Variants in MYH7 observed in about 807,000 individuals in gnomAD.
MYH7 encodes the protein myosin-7.
In MYH7, 129 loss-of-function variants were observed where a neutral mutation model predicts 225.4. The observed-to-expected ratio is 0.57, with a 90% CI of 0.50 to 0.66. The LOEUF is 0.66. Ranked by LOEUF, MYH7 falls within the 30% of genes least tolerant of loss-of-function variation. MYH7 has a pLI of 0.00. For synonymous variants in MYH7, 971 were observed against 1,007.6 expected (o/e 0.96, Z 0.69); for missense variants, 1,649 against 2,517.0 (o/e 0.66, Z 7.38).
Position 23,427,586 on chromosome 14 carries a change from C to A in MYH7, c.1887G>T (p.Ala629=), listed in dbSNP as rs376572023. The change falls in exon 16 of 40, where the codon GCG becomes GCT. Residue 629 remains alanine, a splice_region_variant and synonymous_variant. Transcript: ENST00000355349. ...CCGGGAGCCTCAGTCCCTACTTACG[C>A]GCATCAGCCCCAGCATAGTTGGCAA... ...TLFANYAGAD[A]PIEKGKGKAK... is the part of the protein sequence containing the mutation. 5.6e-6 allele frequency: 9 copies of A among 1,613,930 alleles called. No individual in the cohort carries two copies. The South Asian group carries it at 8.8e-5, about 16-fold the overall frequency.
intron 39 of MYH7, among the ~76,000 whole-genome samples, chr14:23,413,254 C>T (rs917753017): frequency 5.9e-5 from 9 of 152,184 alleles, no homozygotes; most frequent in Admixed American, 5.2e-4. Flanking sequence ...GGTGGCACCC[C>T]TCCCTAAGGC....
intron 30 of MYH7, 135 bp from the exon 31 acceptor site, chr14:23,417,821 C>T (rs1167756957): frequency 7.9e-7 from 1 of 1,265,714 alleles, no homozygotes; most frequent in Non-Finnish European, 1.1e-6. Flanking sequence ...GGACAGGTCC[C>T]AGGGGCCGAG....
Position 23,428,511 on chromosome 14 carries a change from G to A in MYH7, c.1567C>T (p.Leu523Phe), listed in dbSNP as rs1338344443. ...FGMDLQACID[L>F]IEKPMGIMSI... ...GGCCAAAGAGGCACCTTCTCGATGA[G>A]GTCAATGCAGGCCTGCAGGTCCATG... Residue 523 changes from leucine to phenylalanine, a missense_variant, in exon 15 of 40, where the codon CTC (leucine) becomes TTC (phenylalanine). Around this residue, in one of 12 missense-constraint regions of MYH7, gnomAD observed 76 missense variants for 233.8 expected, o/e 0.33. Coordinates refer to ENST00000355349, the MANE Select transcript of MYH7 (RefSeq NM_000257.4). The A allele has an allele frequency of 1.2e-6, 2 of 1,614,200 alleles. No individual in the cohort carries two copies. Among genetic ancestry groups the A allele is most frequent in the South Asian group, 1.1e-5 (1 of 91,082 alleles).
In MYH7 at chr14:23,429,822, A is replaced by G; in HGVS notation, c.1091T>C (p.Phe364Ser). 1 of 1,613,756 alleles carries G rather than the reference A, an allele frequency of 6.2e-7. No homozygotes were observed. Among genetic ancestry groups the G allele is most frequent in the Non-Finnish European group, 8.5e-7 (1 of 1,180,014 alleles). The change falls in exon 12 of 40, where the codon TTC (phenylalanine) becomes TCC (serine). Residue 364 changes from phenylalanine (F) to serine (S), a missense_variant. Transcript: ENST00000355349. ...GAIMHFGNMKFKLKQREEQAE... is the reference protein window; with the variant it reads ...GAIMHFGNMKSKLKQREEQAE... ...CTGCTCCTCCCGCTGCTTCAGCTTGAACTTCATGTTTCCAAAGTGCATGAT... is the reference window on the plus strand; with the variant it reads ...CTGCTCCTCCCGCTGCTTCAGCTTGGACTTCATGTTTCCAAAGTGCATGAT...
At chr14:23,418,159 G>A in intron 30 of MYH7, 51 bp downstream of exon 30, 1 of 1,613,004 alleles carries the variant, frequency 6.2e-7, no homozygotes, top group Admixed American at 1.7e-5. Context: ...GCTGGGCTGA[G>A]TCCTGCCTGC....
At position 23,415,185 on chromosome 14, in the gene MYH7, A is replaced by G. The variant is rs773427105; in HGVS notation, c.5369T>C (p.Ile1790Thr). Residue 1790 changes from isoleucine (I) to threonine (T), a missense_variant, in exon 37 of 40, where the codon ATT (isoleucine) becomes ACT (threonine). Around this residue, in one of 12 missense-constraint regions of MYH7, gnomAD observed 687 missense variants for 913.8 expected, o/e 0.75. Coordinates refer to ENST00000355349, the MANE Select transcript of MYH7 (RefSeq NM_000257.4). This position sits in a 1 kb window ranked among gnomAD's most constrained non-coding sequence, Gnocchi z 6.3. ...GTCCAGCCGGTGCTGCAGGTCCTTAATGGTCTGTTCCATGTTCTTCTTCAT... is the reference window on the plus strand; with the variant it reads ...GTCCAGCCGGTGCTGCAGGTCCTTAGTGGTCTGTTCCATGTTCTTCTTCAT... ...ERMKKNMEQTIKDLQHRLDEA... is the reference protein window; with the variant it reads ...ERMKKNMEQTTKDLQHRLDEA... 1 of 1,613,946 alleles carries G rather than the reference A, an allele frequency of 6.2e-7. No individual in the cohort carries two copies. The highest frequency in any genetic ancestry group is 2.2e-5 in the East Asian group (1 of 44,838).
Position 23,433,272 on chromosome 14 carries a change from C to T in MYH7, c.202-45G>A, listed in dbSNP as rs1357522496. The T allele has an allele frequency of 2.5e-6, 4 of 1,613,540 alleles. No individual in the cohort carries two copies. The African/African-American group carries it at 4.0e-5, about 16-fold the overall frequency. Reference sequence around the variant, plus strand: ...AGCCCTCCTGTCAGCCTGGGCTTTCCCTCCTTCCTCAAGAGGGTTAGGAGT... The same window carrying T: ...AGCCCTCCTGTCAGCCTGGGCTTTCTCTCCTTCCTCAAGAGGGTTAGGAGT... On this transcript the variant is annotated intron_variant, in intron 3 of 39. Transcript: ENST00000355349. The surrounding 1 kb of genome is among the most constrained non-coding windows in gnomAD (Gnocchi z 4.1).
chr14:23,424,846 C>A lies in MYH7; in HGVS notation c.2602G>T (p.Ala868Ser), dbSNP rs727504356. 1 of 1,614,230 alleles carries A rather than the reference C, an allele frequency of 6.2e-7. No homozygotes were observed. Among genetic ancestry groups the A allele is most frequent in the Admixed American group, 1.7e-5 (1 of 60,032 alleles). The change falls in exon 22 of 40, where the codon GCT becomes TCT. Residue 868 changes from alanine to serine, a missense_variant. Physicochemically the swap from Ala to Ser is moderately conservative, Grantham distance 99. Transcript: ENST00000355349. The stretch of plus-strand genomic sequence containing the variant: ...TTCTCCTCCAGCTCCTTGCGGCGAG[C>A]CTCGGACTTCTCTAGCGCCTCTTTG... Reference protein sequence around the residue: ...RLKEALEKSEARRKELEEKMV... With the variant: ...RLKEALEKSESRRKELEEKMV...
At chr14:23,427,098 GAA>G (rs1685556947) in intron 17 of MYH7, 140 bp downstream of exon 17, 3 of 875,698 alleles carry the variant, frequency 3.4e-6, no homozygotes, top group South Asian at 2.8e-5. Context: ...GACGGGAAGA[GAA>G]GACAGAGTGA....
In MYH7 at chr14:23,427,567, G is replaced by T. The variant is rs764318752; in HGVS notation, c.1888+18C>A. 3.1e-6 allele frequency: 5 copies of T among 1,613,554 alleles called. No homozygotes were observed. The South Asian group carries it at 4.4e-5, about 14-fold the overall frequency. On this transcript the variant is annotated intron_variant, in intron 16 of 39. Transcript: ENST00000355349. ...GAATCCCTGCTCCTCTGTACCGGGA[G>T]CCTCAGTCCCTACTTACGCGCATCA...
At position 23,432,621 on chromosome 14, in the gene MYH7, C is replaced by T. The variant is rs912964540; in HGVS notation, c.502+18G>A. Reference sequence around the variant, plus strand: ...CTATCCCAGTTCCCTTCAGGAAGACCCTTCCAGGGCCTCTCACCTGTCAGC... The same window carrying T: ...CTATCCCAGTTCCCTTCAGGAAGACTCTTCCAGGGCCTCTCACCTGTCAGC... On this transcript the variant is annotated intron_variant, in intron 5 of 39. Transcript: ENST00000355349. The T allele has an allele frequency of 1.7e-5, 27 of 1,614,002 alleles. No homozygotes were observed. Among genetic ancestry groups the T allele is most frequent in the Non-Finnish European group, 2.2e-5 (26 of 1,180,032 alleles).
chr14:23,432,987 C>T, intron 4 of MYH7, 97 bp downstream of exon 4: 1 of 1,576,576 alleles, frequency 6.3e-7, no homozygotes, highest in African/African-American at 1.3e-5. Context: ...GAGTGTAACC[C>T]TGCCTAGACA....
chr14:23,417,335 C>G lies in MYH7; in HGVS notation c.4354-17G>C. 1.2e-6 allele frequency: 2 copies of G among 1,613,242 alleles called. No individual in the cohort carries two copies. Among genetic ancestry groups the G allele is most frequent in the Non-Finnish European group, 8.5e-7 (1 of 1,180,026 alleles). ...GGCCAGGATCTGCCCGGGGACAAGG[C>G]TCACTCTTCAGCCCCCCAGCCTCAG... On this transcript the variant is annotated splice_polypyrimidine_tract_variant and intron_variant, in intron 31 of 39. Coordinates refer to ENST00000355349, the MANE Select transcript of MYH7 (RefSeq NM_000257.4).
In MYH7 at chr14:23,420,013, C is replaced by T. The variant is rs1415340981; in HGVS notation, c.3558G>A (p.Glu1186=). The part of the protein sequence containing the change: ...RDLEEATLQH[E]ATAAALRKKH... ...TCTTGCGCAGGGCCGCGGCAGTGGCCTCGTGCTGCAGCGTGGCCTCCTCCA... is the reference window on the plus strand; with the variant it reads ...TCTTGCGCAGGGCCGCGGCAGTGGCTTCGTGCTGCAGCGTGGCCTCCTCCA... Residue 1186 remains glutamate (E), a synonymous_variant, in exon 27 of 40, where the codon GAG becomes GAA. Coordinates refer to ENST00000355349, the MANE Select transcript of MYH7 (RefSeq NM_000257.4). The T allele has an allele frequency of 1.3e-6, 2 of 1,589,100 alleles. No homozygotes were observed. Among genetic ancestry groups the T allele is most frequent in the Non-Finnish European group, 1.7e-6 (2 of 1,163,970 alleles).
intron 22 of MYH7, 111 bp from the exon 23 acceptor site, chr14:23,424,260 C>T: frequency 2.1e-6 from 3 of 1,412,894 alleles, no homozygotes; most frequent in South Asian, 2.6e-5. Context: ...CTAGGATATC[C>T]CCACTTGGCA....
chr14:23,425,346 G>C lies in MYH7; in HGVS notation c.2359C>G (p.Arg787Gly). The change falls in exon 21 of 40, where the codon CGT becomes GGT. Residue 787 changes from arginine to glycine, a missense_variant. Arg to Gly is a moderately radical substitution (Grantham distance 125, BLOSUM62 -2). Coordinates refer to ENST00000355349, the MANE Select transcript of MYH7 (RefSeq NM_000257.4). This position sits in a 1 kb window ranked among gnomAD's most constrained non-coding sequence, Gnocchi z 4.6. Reference protein sequence around the residue: ...RDERLSRIITRIQAQSRGVLA... With the variant: ...RDERLSRIITGIQAQSRGVLA... The stretch of plus-strand genomic sequence containing the variant: ...ACACCTCGGGACTGGGCCTGGATAC[G>C]CGTGATGATGCGGCTCAGCCTCTCG... 2 of 1,614,140 alleles carry C rather than the reference G, an allele frequency of 1.2e-6. No homozygotes were observed. The highest frequency in any genetic ancestry group is 1.3e-5 in the African/African-American group (1 of 75,018).
At chr14:23,431,318 G>A (rs1892925603) in intron 9 of MYH7, 100 bp downstream of exon 9, 2 of 1,237,442 alleles carry the variant, frequency 1.6e-6, no homozygotes, top group Admixed American at 1.7e-5. Flanking sequence ...TTAAAGAGGA[G>A]AAAAACAGAG....
At position 23,425,884 on chromosome 14, in the gene MYH7, G is replaced by C. The variant is rs1369455059; in HGVS notation, c.2163-66C>G. 4 of 1,612,868 alleles carry C rather than the reference G, an allele frequency of 2.5e-6. No individual in the cohort carries two copies. Among genetic ancestry groups the C allele is most frequent in the Non-Finnish European group, 3.4e-6 (4 of 1,180,016 alleles). On this transcript the variant is annotated intron_variant, in intron 19 of 39. Transcript: ENST00000355349. This position sits in a 1 kb window ranked among gnomAD's most constrained non-coding sequence, Gnocchi z 4.6. ...GATCTGCTCTGCCCATAGAATTCCA[G>C]GGTCACCTGCAGATCCCATTCCCAT...
At chr14:23,428,091 G>C (rs969870501) in intron 15 of MYH7, among the ~76,000 whole-genome samples, 197 bp from the exon 16 acceptor site, 3 of 152,156 alleles carry the variant, frequency 2.0e-5, no homozygotes, top group African/African-American at 7.2e-5. Context: ...GGACCTTTGT[G>C]AAAGTCTGGG....
Sources: gnomAD v4.1 joint callset for allele counts (sites outside exome capture counted in the v4.1 genomes callset) on GRCh38, gnomAD v4.1.1 for gene constraint, gnomAD v4.1.1 regional missense constraint, Gnocchi (gnomAD v3.1) non-coding constraint, MANE v1.5 for transcripts, NCBI Gene and HGNC (gene_info 2026-07-23, HGNC 2026-07-21) for gene names.